Variants in PHLPP1 observed in about 807,000 individuals in gnomAD.
The protein encoded by PHLPP1 is PH domain leucine-rich repeat-containing protein phosphatase 1.
In PHLPP1, 42 loss-of-function variants were observed where a neutral mutation model predicts 117.2. That is an observed-to-expected ratio of 0.36 (90% CI 0.28 to 0.46). The LOEUF is 0.46. Among genes scored for constraint, PHLPP1 ranks in the 20% least tolerant of loss-of-function variants. The pLI is 1.00. For synonymous variants in PHLPP1, 1,042 were observed against 970.7 expected, an observed-to-expected ratio of 1.07 and a Z score of -1.37; for missense variants, 2,084 against 2,241.9, an observed-to-expected ratio of 0.93 and a Z score of 1.42.
At chr18:62,800,828 G>T (rs896794631) in intron 1 of PHLPP1, among the ~76,000 whole-genome samples, 1 of 152,058 alleles carries the variant, frequency 6.6e-6, no homozygotes, top group Non-Finnish European at 1.5e-5. Flanking sequence ...TTAATAGTGA[G>T]CTTTTGTAAA....
chr18:62,890,131 G>A (rs182209793), intron 4 of PHLPP1, among the ~76,000 whole-genome samples: 60 of 152,106 alleles, frequency 3.9e-4, no homozygotes, highest in Middle Eastern at 3.4e-3. Context: ...GAGAATGGTT[G>A]TATCTCTTTC....
At chr18:62,766,076 A>AAAAAAAAAAAAAAAAAAT in intron 1 of PHLPP1, among the ~76,000 whole-genome samples, 1 of 21,648 alleles carries the variant, frequency 4.6e-5, no homozygotes, top group African/African-American at 1.5e-4. Flanking sequence ...AAAAAAAAAA[A>AAAAAAAAAAAAAAAAAAT]ATATATATAT....
At chr18:62,742,617 G>T (rs558885381) in intron 1 of PHLPP1, among the ~76,000 whole-genome samples, 53 of 152,302 alleles carry the variant, frequency 3.5e-4, no homozygotes, top group South Asian at 6.2e-4. Context: ...TGTATTTTCA[G>T]TAGAGACGGG....
intron 11 of PHLPP1, among the ~76,000 whole-genome samples, chr18:62,942,483 G>T (rs1164313245): frequency 6.6e-6 from 1 of 152,182 alleles, no homozygotes; most frequent in East Asian, 1.9e-4. Context: ...TATTCATGAT[G>T]TACAGAGCAG....
chr18:62,937,013 T>A (rs956807809), intron 10 of PHLPP1, among the ~76,000 whole-genome samples: 5 of 152,224 alleles, frequency 3.3e-5, no homozygotes, highest in African/African-American at 1.2e-4. Context: ...GTTTTAATGG[T>A]ATATAAGTCC....
rs1479028791 is a variant in PHLPP1 at position 62,979,404 on chromosome 18, G to T, written c.5127G>T (p.Leu1709=). The T allele has an allele frequency of 6.4e-7, 1 of 1,551,552 alleles. No individual in the cohort carries two copies. The highest frequency in any genetic ancestry group is 8.7e-7 in the Non-Finnish European group (1 of 1,146,926). The change falls in exon 17 of 17, where the codon CTG becomes CTT. Residue 1709 remains leucine (L), a synonymous_variant. Coordinates refer to ENST00000262719, the MANE Select transcript of PHLPP1 (RefSeq NM_194449.4). The part of the protein sequence containing the change: ...QLPRHYQLDQ[L]PDYYDTPL ...CGCGGCACTACCAGCTGGACCAGCT[G>T]CCAGATTATTACGACACGCCACTAT...
At chr18:62,816,295 G>T (rs1914272430) in intron 1 of PHLPP1, among the ~76,000 whole-genome samples, 1 of 152,214 alleles carries the variant, frequency 6.6e-6, no homozygotes, top group African/African-American at 2.4e-5. Context: ...GCTGGGTGCA[G>T]TGGCTCACGC....
intron 11 of PHLPP1, among the ~76,000 whole-genome samples, chr18:62,944,065 G>GT (rs34974836): frequency 0.1 from 15,507 of 151,256 alleles, 900 homozygotes; most frequent in African/African-American, 0.14. Context: ...TAATACAGTG[G>GT]TTTTTTTTTG....
At chr18:62,860,763 T>C (rs1915612683) in intron 4 of PHLPP1, among the ~76,000 whole-genome samples, 162 bp downstream of exon 4, 1 of 152,232 alleles carries the variant, frequency 6.6e-6, no homozygotes, top group Non-Finnish European at 1.5e-5. Flanking sequence ...ACATTACCAA[T>C]TCTCAATCTG....
At chr18:62,816,349 A>ATCAT (rs1914275202) in intron 1 of PHLPP1, among the ~76,000 whole-genome samples, 1 of 152,146 alleles carries the variant, frequency 6.6e-6, no homozygotes, top group Non-Finnish European at 1.5e-5. Context: ...GCGGATCATG[A>ATCAT]GGTCAGGAGT....
intron 13 of PHLPP1, among the ~76,000 whole-genome samples, chr18:62,961,319 A>G (rs1056969633): frequency 6.6e-6 from 1 of 152,084 alleles, no homozygotes; most frequent in Non-Finnish European, 1.5e-5. Context: ...AAAGATATAC[A>G]AGAGTCAGCA....
intron 6 of PHLPP1, among the ~76,000 whole-genome samples, chr18:62,898,960 G>A (rs568166723): frequency 4.9e-4 from 75 of 151,882 alleles, no homozygotes; most frequent in Admixed American, 4.1e-3. Flanking sequence ...CACCATGACC[G>A]GCTAATTTTT....
chr18:62,958,183 A>G (rs967589639), intron 12 of PHLPP1, among the ~76,000 whole-genome samples: 88 of 152,304 alleles, frequency 5.8e-4, no homozygotes, highest in African/African-American at 1.9e-3. Flanking sequence ...CGGCCTCCCA[A>G]AGTGCTGGGA....
chr18:62,894,045 A>G (rs149099626), intron 4 of PHLPP1, among the ~76,000 whole-genome samples: 36 of 152,316 alleles, frequency 2.4e-4, no homozygotes, highest in African/African-American at 7.7e-4. Flanking sequence ...AAACTGCTAA[A>G]AAACCTATCT....
In PHLPP1 at chr18:62,864,162, T is replaced by C. The variant is rs375695007; in HGVS notation, c.2066+3561T>C. ...TCAGCCTCCCGAGTAGCTGGGACTA[T>C]AGGCGCCCGCCACCACTCCCAGCTA... On this transcript the variant is annotated intron_variant, in intron 4 of 16. Coordinates refer to ENST00000262719, the MANE Select transcript of PHLPP1 (RefSeq NM_194449.4). Among the ~76,000 whole-genome samples the C allele has an allele frequency of 6.1e-4, 92 of 151,998 alleles. 1 individual carries two copies. The East Asian group carries it at 0.012, about 20-fold the overall frequency.
At chr18:62,789,382 A>C (rs1913392017) in intron 1 of PHLPP1, among the ~76,000 whole-genome samples, 1 of 152,154 alleles carries the variant, frequency 6.6e-6, no homozygotes, top group Admixed American at 6.5e-5. Context: ...GTATTGATCA[A>C]ATGACAGATT....
At chr18:62,900,308 TAAATAAATAAATAAATA>T (rs1170306195) in intron 6 of PHLPP1, among the ~76,000 whole-genome samples, 165 of 16,020 alleles carry the variant, frequency 0.01, no homozygotes, top group African/African-American at 0.031. Context: ...AAATAATAAA[TAAATAAATAAATAAATA>T]AATAAATAAA....
chr18:62,826,172 G>A, intron 1 of PHLPP1: 1 of 281,762 alleles, frequency 3.5e-6, no homozygotes, highest in Non-Finnish European at 7.3e-6. Flanking sequence ...TTTTTTTTCT[G>A]GAGGTCCATT....
At position 62,785,621 on chromosome 18, in the gene PHLPP1, G is replaced by A. The variant is rs139773544; in HGVS notation, c.1577-44414G>A. On this transcript the variant is annotated intron_variant, in intron 1 of 16. Coordinates refer to ENST00000262719, the MANE Select transcript of PHLPP1 (RefSeq NM_194449.4). ...AAGTTTCCTTACAGGCAAGAAAAGCGTAACATGAAAGTAGTTTTCCTAATG... is the reference window on the plus strand; with the variant it reads ...AAGTTTCCTTACAGGCAAGAAAAGCATAACATGAAAGTAGTTTTCCTAATG... 1.5e-3 allele frequency among the ~76,000 whole-genome samples: 229 copies of A among 152,280 alleles called. 1 individual carries two copies. Among genetic ancestry groups the A allele is most frequent in the African/African-American group, 1.8e-3 (74 of 41,568 alleles).
Sources: allele counts gnomAD v4.1 joint callset (sites outside exome capture counted in the v4.1 genomes callset), GRCh38; gene constraint gnomAD v4.1.1; transcripts MANE v1.5; gene names NCBI Gene and HGNC (gene_info 2026-07-23, HGNC 2026-07-21).